The following MTHFD2L variants were observed in gnomAD, a reference collection of about 807,000 sequenced individuals.
The protein encoded by MTHFD2L is bifunctional methylenetetrahydrofolate dehydrogenase/cyclohydrolase 2, mitochondrial.
A neutral mutation model predicts 34.9 loss-of-function variants in MTHFD2L; 29 were observed. The observed-to-expected ratio is 0.83, with a 90% confidence interval of 0.62 to 1.13. The LOEUF (loss-of-function observed/expected upper bound fraction) is 1.13, where lower values mean the gene tolerates loss of function less well. Ranked by LOEUF, MTHFD2L falls within the 50% of genes most tolerant of loss-of-function variation. The pLI is 0.00. For synonymous variants in MTHFD2L, 167 were observed against 155.7 expected, an observed-to-expected ratio of 1.07 and a Z score of -0.54; for missense variants, 481 against 446.5, an observed-to-expected ratio of 1.08 and a Z score of -0.70.
intron 3 of MTHFD2L, among the ~76,000 whole-genome samples, chr4:74,192,901 T>A (rs1017577593): frequency 2.0e-5 from 3 of 152,112 alleles, no homozygotes; most frequent in African/African-American, 7.2e-5. Flanking sequence ...GGCTTACCTG[T>A]ACATTTTCTT....
At chr4:74,203,995 C>T (rs367933553) in intron 5 of MTHFD2L, among the ~76,000 whole-genome samples, 28 of 152,112 alleles carry the variant, frequency 1.8e-4, no homozygotes, top group African/African-American at 6.7e-4. Context: ...CTTAAACCAT[C>T]CTCATTAATT....
chr4:74,180,401 T>C (rs1578371165), intron 3 of MTHFD2L, among the ~76,000 whole-genome samples: 1 of 152,274 alleles, frequency 6.6e-6, no homozygotes, highest in Admixed American at 6.5e-5. Flanking sequence ...TCAAGCTTAA[T>C]AATATAAAAT....
upstream of MTHFD2L, among the ~76,000 whole-genome samples, chr4:74,122,900 T>C (rs754866087): frequency 3.2e-4 from 48 of 152,204 alleles, no homozygotes; most frequent in Non-Finnish European, 3.1e-4. Context: ...GAGAATTTTC[T>C]TGTTCTTAGG....
chr4:74,275,963 T>G (rs1175861622), intron 6 of MTHFD2L, among the ~76,000 whole-genome samples: 1 of 152,172 alleles, frequency 6.6e-6, no homozygotes, highest in East Asian at 1.9e-4. Flanking sequence ...TACATCCCAT[T>G]TGTCGTTTTT....
intron 6 of MTHFD2L, among the ~76,000 whole-genome samples, chr4:74,228,700 G>T (rs984508210): frequency 6.6e-6 from 1 of 152,134 alleles, no homozygotes; most frequent in Middle Eastern, 3.4e-3. Flanking sequence ...GCCTAAATCA[G>T]CCTTGAGTAC....
intron 7 of MTHFD2L, among the ~76,000 whole-genome samples, chr4:74,289,934 G>A (rs1748667068): frequency 6.6e-6 from 1 of 152,144 alleles, no homozygotes; most frequent in Admixed American, 6.6e-5. Context: ...CAAAAGAGAG[G>A]AAGGGGCTCT....
chr4:74,141,511 T>C (rs930949324), intron 1 of MTHFD2L, among the ~76,000 whole-genome samples: 1 of 152,212 alleles, frequency 6.6e-6, no homozygotes, highest in Non-Finnish European at 1.5e-5. Flanking sequence ...TGATGCTTCT[T>C]GTTTCTCGCT....
rs1560465886 is a variant in MTHFD2L at position 74,188,778 on chromosome 4, G to GTATATATATGGGTA, written c.452-11007_452-11006insGGGTATATATATAT. On this transcript the variant is annotated intron_variant, in intron 3 of 7. Transcript: ENST00000325278. ...GGTATATATATATGTGTATACATAT[G>GTATATATATGGGTA]TATATATATATGGGTATATATATAT... Among the ~76,000 whole-genome samples the GTATATATATGGGTA allele has an allele frequency of 5.1e-3, 49 of 9,670 alleles. 6 individuals are homozygous for GTATATATATGGGTA. Among genetic ancestry groups the GTATATATATGGGTA allele is most frequent in the East Asian group, 0.025 (5 of 198 alleles). 6.3% of individuals were successfully genotyped at this position (9,670 alleles called of 152,430 possible). A position where few individuals can be genotyped will look rare whatever the true frequency, so the allele number is the denominator to read the frequency against.
upstream of MTHFD2L, among the ~76,000 whole-genome samples, chr4:74,153,627 A>T (rs1372860112): frequency 6.6e-6 from 1 of 152,210 alleles, no homozygotes; most frequent in Non-Finnish European, 1.5e-5. Flanking sequence ...TTCAGGAGGA[A>T]ATATTAATAA....
intron 4 of MTHFD2L, 45 bp downstream of exon 4, chr4:74,199,991 C>G: frequency 6.2e-7 from 1 of 1,601,976 alleles, no homozygotes. Context: ...AGGTGCTGAG[C>G]TGAGCCTTTG....
At chr4:74,200,037 AG>A in intron 4 of MTHFD2L, 91 bp downstream of exon 4, 1 of 1,149,100 alleles carries the variant, frequency 8.7e-7, no homozygotes, top group South Asian at 1.5e-5. Context: ...TCAGTCCTAT[AG>A]AGTGACAGAA....
chr4:74,161,608 T>C (rs2109897357), intron 1 of MTHFD2L: 1 of 152,308 alleles, frequency 6.6e-6, no homozygotes, highest in East Asian at 1.9e-4. Context: ...TGTTCTAATA[T>C]CTCCACAATC....
chr4:74,241,297 ATAT>A (rs1741673264), intron 6 of MTHFD2L, among the ~76,000 whole-genome samples: 1 of 152,196 alleles, frequency 6.6e-6, no homozygotes, highest in Non-Finnish European at 1.5e-5. Context: ...TTGTTCTATA[ATAT>A]TATGGTCTGC....
chr4:74,164,040 T>C (rs1726081481), intron 1 of MTHFD2L, among the ~76,000 whole-genome samples: 2 of 152,134 alleles, frequency 1.3e-5, no homozygotes, highest in Non-Finnish European at 2.9e-5. Context: ...CACGCCCGGC[T>C]AATTTTTTGT....
intron 6 of MTHFD2L, among the ~76,000 whole-genome samples, chr4:74,259,818 A>C (rs1437158072): frequency 6.6e-6 from 1 of 152,226 alleles, no homozygotes; most frequent in East Asian, 1.9e-4. Flanking sequence ...AGATTGCCCT[A>C]CAAGGAGGCT....
intron 3 of MTHFD2L, among the ~76,000 whole-genome samples, chr4:74,196,134 A>G (rs545436323): frequency 3.3e-5 from 5 of 152,312 alleles, no homozygotes; most frequent in African/African-American, 4.8e-5. Context: ...TAATTAAACA[A>G]CTAATATCAT....
At chr4:74,215,950 C>G (rs1323926069) in intron 5 of MTHFD2L, among the ~76,000 whole-genome samples, 2 of 150,564 alleles carry the variant, frequency 1.3e-5, no homozygotes, top group Non-Finnish European at 2.9e-5. Context: ...TAATTTTATC[C>G]TGAGAGCTTG....
At chr4:74,182,070 G>T (rs924397952) in intron 3 of MTHFD2L, among the ~76,000 whole-genome samples, 2 of 151,916 alleles carry the variant, frequency 1.3e-5, no homozygotes, top group African/African-American at 4.8e-5. Flanking sequence ...ATTTTATTCT[G>T]TTTAATTCAA....
At chr4:74,120,453 T>A (rs1032728838), upstream of MTHFD2L, among the ~76,000 whole-genome samples, 1 of 152,220 alleles carries the variant, frequency 6.6e-6, no homozygotes, top group East Asian at 1.9e-4. Flanking sequence ...CTTTGAATGA[T>A]TGCATATCAG....
Sources: allele counts gnomAD v4.1 joint callset (sites outside exome capture counted in the v4.1 genomes callset), GRCh38; gene constraint gnomAD v4.1.1; transcripts MANE v1.5; gene names NCBI Gene and HGNC (gene_info 2026-07-23, HGNC 2026-07-21).